CAMK2B: variants seen among roughly 807,000 people sequenced by gnomAD.
The protein encoded by CAMK2B is calcium/calmodulin-dependent protein kinase type II subunit beta.
In CAMK2B, 27 loss-of-function variants were observed where a neutral mutation model predicts 93.7. That is an observed-to-expected ratio of 0.29 (90% confidence interval 0.21 to 0.40). The LOEUF is 0.40. Ranked by LOEUF, CAMK2B falls within the 10% of genes least tolerant of loss-of-function variation. The probability of loss-of-function intolerance (pLI) is 1.00; values close to 1 mark genes in which losing one functional copy is unlikely to be tolerated. For missense variants in CAMK2B, 568 were observed against 895.8 expected, an observed-to-expected ratio of 0.63 and a Z score of 4.67; for synonymous variants, 374 against 358.8, an observed-to-expected ratio of 1.04 and a Z score of -0.48.
chr7:44,290,279 T>C (rs1440389412), intron 1 of CAMK2B, among the ~76,000 whole-genome samples: 3 of 152,290 alleles, frequency 2.0e-5, no homozygotes, highest in Admixed American at 6.5e-5. Context: ...AAATCGAAAT[T>C]TCCCATCCAG....
upstream of CAMK2B, chr7:44,325,679 C>T (rs952144821): frequency 6.9e-6 from 1 of 145,270 alleles, no homozygotes; most frequent in Non-Finnish European, 1.5e-5. Flanking sequence ...CGCCGCCGCG[C>T]CCGCCCCGCC....
intron 6 of CAMK2B, among the ~76,000 whole-genome samples, chr7:44,244,177 C>A (rs1011414526): frequency 6.6e-6 from 1 of 152,190 alleles, no homozygotes; most frequent in Non-Finnish European, 1.5e-5. Context: ...AGGAAGGAGG[C>A]CCCTGCAATG....
chr7:44,254,494 A>G, intron 5 of CAMK2B, 48 bp downstream of exon 5: 1 of 1,356,418 alleles, frequency 7.4e-7, no homozygotes, highest in Non-Finnish European at 1.1e-6. Flanking sequence ...AGGGATGGTG[A>G]GGGTATAAAG....
chr7:44,274,507 T>A (rs1005944118), intron 2 of CAMK2B, among the ~76,000 whole-genome samples: 9 of 152,204 alleles, frequency 5.9e-5, no homozygotes, highest in African/African-American at 1.7e-4. Context: ...CCTTTCGGGC[T>A]TCCCCGCTCC....
At chr7:44,287,841 C>T (rs543046649) in intron 1 of CAMK2B, among the ~76,000 whole-genome samples, 1 of 152,358 alleles carries the variant, frequency 6.6e-6, no homozygotes, top group South Asian at 2.1e-4. Flanking sequence ...TATTGCACCT[C>T]CCACGTTCCT....
chr7:44,251,198 C>G (rs1306781133), intron 5 of CAMK2B, among the ~76,000 whole-genome samples: 1 of 152,196 alleles, frequency 6.6e-6, no homozygotes, highest in African/African-American at 2.4e-5. Flanking sequence ...CCATCCTGTC[C>G]CGCGCCTGTC....
chr7:44,258,543 G>A (rs35138556), intron 4 of CAMK2B, among the ~76,000 whole-genome samples: 31,177 of 152,260 alleles, frequency 0.2, 3,700 homozygotes, highest in Non-Finnish European at 0.27. Context: ...GGAAAGGAAG[G>A]TGAATGCAGC....
intron 4 of CAMK2B, among the ~76,000 whole-genome samples, chr7:44,256,280 C>G (rs995190124): frequency 6.6e-6 from 1 of 152,226 alleles, no homozygotes; most frequent in Non-Finnish European, 1.5e-5. Context: ...TGTGTGTGCA[C>G]GTGTTCACAT....
chr7:44,298,390 C>T (rs191094969), intron 1 of CAMK2B, among the ~76,000 whole-genome samples: 2 of 152,186 alleles, frequency 1.3e-5, no homozygotes, highest in East Asian at 3.9e-4. Flanking sequence ...AACAATAACT[C>T]AAAATGAATC....
At chr7:44,242,175 A>C (rs1379283898) in intron 10 of CAMK2B, 43 bp downstream of exon 10, 32 of 1,590,704 alleles carry the variant, frequency 2.0e-5, no homozygotes, top group Non-Finnish European at 2.3e-5. Context: ...GGCCATCTCC[A>C]CCAGGAGCCC....
chr7:44,296,386 T>G (rs1309935477), intron 1 of CAMK2B, among the ~76,000 whole-genome samples: 1 of 150,600 alleles, frequency 6.6e-6, no homozygotes, highest in African/African-American at 2.5e-5. Context: ...CTTCTAAAAC[T>G]AAAATGCAAA....
chr7:44,295,489 T>C (rs1169218610), intron 1 of CAMK2B, among the ~76,000 whole-genome samples: 1 of 152,236 alleles, frequency 6.6e-6, no homozygotes, highest in Non-Finnish European at 1.5e-5. Flanking sequence ...ATGGAACCAG[T>C]GCTGGGGTAG....
In CAMK2B at chr7:44,226,574, C is replaced by A. The variant is rs747373796; in HGVS notation, c.1539G>T (p.Ser513=). Residue 513 remains serine, a synonymous_variant, in exon 20 of 24, where the codon TCG becomes TCT. Coordinates refer to ENST00000395749, the MANE Select transcript of CAMK2B (RefSeq NM_001220.5). The part of the protein sequence containing the change: ...GSGTPEAEGP[S]PVGPPPCPSP... ...ATGGGCAGGGCGGGGGCCCCACTGG[C>A]GAGGGGCCCTCGGCTTCTGGGGTCC... is the stretch of plus-strand genomic sequence containing the variant. 6 of 1,475,196 alleles carry A rather than the reference C, an allele frequency of 4.1e-6. No homozygotes were observed. In the South Asian group the frequency reaches 8.9e-5, roughly 22 times the overall value. 91.4% of individuals were successfully genotyped at this position (1,475,196 alleles called of 1,614,324 possible).
intron 1 of CAMK2B, among the ~76,000 whole-genome samples, chr7:44,289,809 C>T (rs1322461804): frequency 1.3e-5 from 2 of 152,214 alleles, no homozygotes; most frequent in Admixed American, 6.5e-5. Flanking sequence ...CGCAGGGCAG[C>T]GCTGGGCCAC....
chr7:44,302,635 C>A (rs906875972), intron 1 of CAMK2B, among the ~76,000 whole-genome samples: 1 of 152,046 alleles, frequency 6.6e-6, no homozygotes, highest in East Asian at 1.9e-4. Flanking sequence ...AATGCGTCAA[C>A]AAGGTAAAGA....
At chr7:44,285,628 T>C (rs1784837847) in intron 1 of CAMK2B, among the ~76,000 whole-genome samples, 1 of 151,958 alleles carries the variant, frequency 6.6e-6, no homozygotes, top group African/African-American at 2.4e-5. Context: ...GTTCAATTCC[T>C]TGGAAAGATA....
intron 20 of CAMK2B, among the ~76,000 whole-genome samples, chr7:44,222,277 C>T (rs6950864): frequency 0.16 from 24,300 of 152,034 alleles, 2,089 homozygotes; most frequent in African/African-American, 0.22. Flanking sequence ...TGCTGCAGGC[C>T]GCACCTGGGA....
intron 1 of CAMK2B, among the ~76,000 whole-genome samples, chr7:44,321,763 T>C (rs1328478246): frequency 6.6e-6 from 1 of 152,120 alleles, no homozygotes; most frequent in East Asian, 1.9e-4. Context: ...AAATGGAAGA[T>C]TCACGAGGCT....
chr7:44,219,344 G>GTTTTTTTTTTTTTTTTTT lies in CAMK2B; in HGVS notation c.*163_*180dup, dbSNP rs59312365. 2 of 35,184 alleles carry GTTTTTTTTTTTTTTTTTT rather than the reference G, an allele frequency of 5.7e-5. No individual in the cohort carries two copies. The highest frequency in any genetic ancestry group is 4.5e-4 in the Admixed American group (1 of 2,232). 2.2% of individuals were successfully genotyped at this position (35,184 alleles called of 1,614,324 possible). On this transcript the variant is annotated 3_prime_UTR_variant, in exon 24 of 24. Transcript: ENST00000395749. Reference sequence around the variant, plus strand: ...TTTTTGTGGTTGTCGTCGTCATCTTGTTTTTTTTTTTTTTTTTTTTGTTTT... The same window carrying GTTTTTTTTTTTTTTTTTT: ...TTTTTGTGGTTGTCGTCGTCATCTTGTTTTTTTTTTTTTTTTTTTTTTTTTTTTTTTTTTTTTTGTTTT...
Sources: gnomAD v4.1 joint callset for allele counts (sites outside exome capture counted in the v4.1 genomes callset) on GRCh38, gnomAD v4.1.1 for gene constraint, MANE v1.5 for transcripts, NCBI Gene and HGNC (gene_info 2026-07-23, HGNC 2026-07-21) for gene names.